NCOR2: variants seen among roughly 807,000 people sequenced by gnomAD.
NCOR2 encodes the protein nuclear receptor corepressor 2, also known as CTG repeat protein 26.
A neutral mutation model predicts 262.9 loss-of-function variants in NCOR2; 81 were observed. The ratio of observed to expected loss-of-function variants is 0.31; its 90% CI spans 0.26 to 0.37. NCOR2 has a LOEUF of 0.37. Ranked by LOEUF, NCOR2 falls within the 10% of genes least tolerant of loss-of-function variation. NCOR2 has a pLI of 1.00. For synonymous variants in NCOR2, 1,659 were observed against 1,559.3 expected (o/e 1.06, Z -1.51); for missense variants, 3,385 against 3,621.4 (o/e 0.93, Z 1.68).
intron 19 of NCOR2, 26 bp downstream of exon 21, chr12:124,374,387 C>A (rs776716904): frequency 3.1e-6 from 5 of 1,611,110 alleles, no homozygotes; most frequent in African/African-American, 1.3e-5. Flanking sequence ...GGCCCTACCC[C>A]CCAGGCCAGC....
In NCOR2 at chr12:124,335,300, G is replaced by A. The variant is rs1212771966; in HGVS notation, c.6266-20C>T. 1 of 1,563,776 alleles carries A rather than the reference G, an allele frequency of 6.4e-7. No homozygotes were observed. The highest frequency in any genetic ancestry group is 2.3e-5 in the East Asian group (1 of 43,062). On this transcript the variant is annotated intron_variant, in intron 39 of 46. Transcript: ENST00000405201. ...CGGGGCCTGCAGGCAGAGCAGAGCTGGTCAGGGGGTGTCTGCTGGCCCCAG... is the reference window on the plus strand; with the variant it reads ...CGGGGCCTGCAGGCAGAGCAGAGCTAGTCAGGGGGTGTCTGCTGGCCCCAG...
intron 27 of NCOR2, 115 bp downstream of exon 29, chr12:124,353,978 C>A: frequency 1.1e-6 from 1 of 922,382 alleles, no homozygotes; most frequent in Non-Finnish European, 1.7e-6. Flanking sequence ...CTGCTGTCCC[C>A]CAGTCATCAC....
At chr12:124,536,567 A>G (rs2051120464), upstream of NCOR2, among the ~76,000 whole-genome samples, 2 of 152,224 alleles carry the variant, frequency 1.3e-5, no homozygotes, top group African/African-American at 2.4e-5. Context: ...AAAGATGCCC[A>G]ACGTCATCAG....
At chr12:124,357,477 G>A (rs2038039626) in intron 22 of NCOR2, among the ~76,000 whole-genome samples, 1 of 152,164 alleles carries the variant, frequency 6.6e-6, no homozygotes, top group Admixed American at 6.5e-5. Flanking sequence ...TTTTGTTTTT[G>A]TAGAGATGAG....
intron 13 of NCOR2, among the ~76,000 whole-genome samples, chr12:124,407,276 C>T (rs890837639): frequency 2.0e-5 from 3 of 152,230 alleles, no homozygotes; most frequent in South Asian, 2.1e-4. Context: ...GCGCCGGTGA[C>T]GAGGACACAT....
intron 6 of NCOR2, among the ~76,000 whole-genome samples, chr12:124,456,720 G>A (rs1361311094): frequency 6.6e-6 from 1 of 152,222 alleles, no homozygotes; most frequent in Non-Finnish European, 1.5e-5. Flanking sequence ...CCATGAAGCG[G>A]TGCACCTGGG....
chr12:124,434,202 G>C (rs2044198146), intron 8 of NCOR2, among the ~76,000 whole-genome samples: 1 of 152,040 alleles, frequency 6.6e-6, no homozygotes, highest in Non-Finnish European at 1.5e-5. Context: ...TAAGGTGTGG[G>C]GGTCCCAGGG....
chr12:124,499,156 TTTCCTCAAAGATGGG>T (rs1325919421), upstream of NCOR2, among the ~76,000 whole-genome samples: 2 of 152,332 alleles, frequency 1.3e-5, no homozygotes, highest in East Asian at 3.9e-4. Context: ...GATGACATCA[TTTCCTCAAAGATGGG>T]GGCAGGAGAG....
At chr12:124,325,615 C>T (rs1280584228) in intron 46 of NCOR2, 32 bp from the exon 49 acceptor site, 1 of 1,258,612 alleles carries the variant, frequency 7.9e-7, no homozygotes, top group African/African-American at 1.5e-5. Context: ...GCCCAGGAGG[C>T]CTCTGTGAGC....
exon 42 of NCOR2, chr12:124,333,234 G>A (rs747507231): frequency 2.4e-5 from 39 of 1,612,592 alleles, no homozygotes; most frequent in Non-Finnish European, 2.9e-5. Context: ...GTTCAATACC[G>A]TCCTCACCAC....
Position 124,326,388 on chromosome 12 carries a change from G to A in NCOR2, c.7184-18C>T. On this transcript the variant is annotated intron_variant, in intron 45 of 46. Transcript: ENST00000405201. ...GCCGCCACCTGCAGGGGGACAAGAT[G>A]GGAAGGGGCTGCGTTGGGCAGTGAA... 2 of 1,482,604 alleles carry A rather than the reference G, an allele frequency of 1.3e-6. No individual in the cohort carries two copies. The highest frequency in any genetic ancestry group is 1.4e-5 in the African/African-American group (1 of 69,524). The allele number at this position is 1,482,604 out of a possible 1,614,324, so 91.8% of individuals were successfully genotyped here.
chr12:124,423,106 G>T lies in NCOR2; in HGVS notation c.1329-551C>A, dbSNP rs187728948. 6.5e-3 allele frequency among the ~76,000 whole-genome samples: 995 copies of T among 152,356 alleles called. 47 individuals carry two copies. Among genetic ancestry groups the T allele is most frequent in the Admixed American group, 0.059 (906 of 15,310 alleles). Reference sequence around the variant, plus strand: ...GCGGCAAGCATGGACTTAAGTCGGAGGGCGGTGGCGGGTCGCTGGCACTGT... The same window carrying T: ...GCGGCAAGCATGGACTTAAGTCGGATGGCGGTGGCGGGTCGCTGGCACTGT... On this transcript the variant is annotated intron_variant, in intron 11 of 46. Coordinates refer to ENST00000405201, the Ensembl canonical transcript of NCOR2.
chr12:124,405,685 C>T (rs10846670), intron 13 of NCOR2, among the ~76,000 whole-genome samples: 71,544 of 152,142 alleles, frequency 0.47, 17,696 homozygotes, highest in Non-Finnish European at 0.54. Flanking sequence ...GATTGAGGGC[C>T]GCTCATACTC....
At chr12:124,496,760 T>C (rs2048402622), upstream of NCOR2, among the ~76,000 whole-genome samples, 2 of 143,604 alleles carry the variant, frequency 1.4e-5, no homozygotes, top group African/African-American at 2.5e-5. This position sits in a 1 kb window ranked among gnomAD's most constrained non-coding sequence, Gnocchi z 4.4. Flanking sequence ...GGGATGGTCA[T>C]GTGACCCGGT....
At chr12:124,525,764 A>G (rs2050433886) in intron 1 of NCOR2, among the ~76,000 whole-genome samples, 1 of 152,196 alleles carries the variant, frequency 6.6e-6, no homozygotes, top group South Asian at 2.1e-4. Flanking sequence ...CACGATGAAA[A>G]GCAGCTGCCG....
At chr12:124,333,310 A>C in intron 41 of NCOR2, 31 bp from the exon 44 acceptor site, 1 of 1,548,678 alleles carries the variant, frequency 6.5e-7, no homozygotes, top group Non-Finnish European at 8.7e-7. Context: ...AGATGTGGTC[A>C]GAGGTCTCCC....
chr12:124,385,445 C>T (rs549601392), intron 17 of NCOR2, among the ~76,000 whole-genome samples: 28 of 152,346 alleles, frequency 1.8e-4, no homozygotes, highest in East Asian at 1.5e-3. Context: ...TCCCCCACAC[C>T]GTGAGACAGG....
exon 26 of NCOR2, chr12:124,354,531 C>T (rs1264929037): frequency 1.3e-6 from 2 of 1,596,210 alleles, no homozygotes; most frequent in South Asian, 1.1e-5. Flanking sequence ...CTCCGGTGGC[C>T]CAGCCTGGCC....
At chr12:124,388,827 C>A (rs1046532494) in intron 16 of NCOR2, 306 of 1,282,984 alleles carry the variant, frequency 2.4e-4, no homozygotes, top group East Asian at 5.2e-4. Flanking sequence ...CGTCTGCTGG[C>A]GGCTCAGCTC....
Sources: gnomAD v4.1 joint callset for allele counts (sites outside exome capture counted in the v4.1 genomes callset) on GRCh38, gnomAD v4.1.1 for gene constraint, Gnocchi (gnomAD v3.1) non-coding constraint, MANE v1.5 for transcripts, NCBI Gene and HGNC (gene_info 2026-07-23, HGNC 2026-07-21) for gene names.